Variants in TCERG1L observed in about 807,000 individuals in gnomAD.
TCERG1L encodes the protein transcription elongation regulator 1-like protein.
In TCERG1L, 37 loss-of-function variants were observed where a neutral mutation model predicts 56.3. The observed-to-expected ratio is 0.66, with a 90% confidence interval of 0.51 to 0.87. TCERG1L has a LOEUF of 0.87. Ranked by LOEUF, TCERG1L falls within the 40% of genes least tolerant of loss-of-function variation. TCERG1L has a pLI of 0.00. For synonymous variants in TCERG1L, 324 were observed against 326.3 expected (o/e 0.99, Z 0.08); for missense variants, 799 against 774.2 (o/e 1.03, Z -0.38).
chr10:131,299,870 TATA>T (rs1470162865), intron 3 of TCERG1L, among the ~76,000 whole-genome samples: 1 of 152,172 alleles, frequency 6.6e-6, no homozygotes, highest in East Asian at 1.9e-4. Flanking sequence ...TTATTTTGTG[TATA>T]ATTTTACACA....
At chr10:131,198,787 A>G (rs1564812745) in intron 4 of TCERG1L, among the ~76,000 whole-genome samples, 1 of 466 alleles carries the variant, frequency 2.1e-3, no homozygotes. Flanking sequence ...CCCCTGGCAG[A>G]TGGGGCCCCG....
chr10:131,194,147 C>T (rs993734908), intron 4 of TCERG1L, among the ~76,000 whole-genome samples: 7 of 152,236 alleles, frequency 4.6e-5, no homozygotes, highest in South Asian at 2.1e-4. Flanking sequence ...AGTGGGAATG[C>T]GTGTCTTCAT....
intron 9 of TCERG1L, among the ~76,000 whole-genome samples, chr10:131,106,276 G>T (rs760910215): frequency 7.9e-5 from 12 of 152,210 alleles, no homozygotes; most frequent in Admixed American, 3.3e-4. Flanking sequence ...AGGTAGTGCC[G>T]GTCTAGGAGC....
intron 8 of TCERG1L, 72 bp from the exon 9 acceptor site, chr10:131,117,006 A>C: frequency 6.6e-7 from 1 of 1,509,950 alleles, no homozygotes; most frequent in Non-Finnish European, 8.9e-7. Context: ...AACCTTTACA[A>C]ACCCTCCTCA....
chr10:131,148,827 C>T (rs1325165472), intron 6 of TCERG1L, among the ~76,000 whole-genome samples: 1 of 152,196 alleles, frequency 6.6e-6, no homozygotes, highest in African/African-American at 2.4e-5. Flanking sequence ...TCTGATCCTC[C>T]CAACTGTAAG....
chr10:131,256,824 C>T (rs1177325445), intron 4 of TCERG1L, among the ~76,000 whole-genome samples: 1 of 151,242 alleles, frequency 6.6e-6, no homozygotes, highest in Non-Finnish European at 1.5e-5. Context: ...GCAGAGGTTG[C>T]AATGAGCCGA....
Position 131,092,801 on chromosome 10 carries a change from G to A in TCERG1L, c.*361C>T, listed in dbSNP as rs139728033. On this transcript the variant is annotated 3_prime_UTR_variant, in exon 12 of 12. Coordinates refer to ENST00000368642, the MANE Select transcript of TCERG1L (RefSeq NM_174937.4). Reference sequence around the variant, plus strand: ...CACAAAGGTTTTCAGAAAAGTTTTCGCCAATCGTCTTAGGTGATGACACAA... The same window carrying A: ...CACAAAGGTTTTCAGAAAAGTTTTCACCAATCGTCTTAGGTGATGACACAA... The A allele has an allele frequency of 2.8e-3, 471 of 168,220 alleles. 2 individuals carry two copies. Among genetic ancestry groups the A allele is most frequent in the Admixed American group, 5.1e-3 (81 of 15,924 alleles). The allele number at this position is 168,220 out of a possible 1,614,324, so 10.4% of individuals were successfully genotyped here.
chr10:131,232,224 T>A (rs2133511267), intron 4 of TCERG1L, among the ~76,000 whole-genome samples: 1 of 152,196 alleles, frequency 6.6e-6, no homozygotes, highest in East Asian at 1.9e-4. Flanking sequence ...TGGGCCTGGG[T>A]GGGACGTGAG....
intron 3 of TCERG1L, among the ~76,000 whole-genome samples, chr10:131,284,927 A>G (rs921892650): frequency 2.0e-5 from 3 of 152,196 alleles, no homozygotes; most frequent in African/African-American, 7.2e-5. Flanking sequence ...TGAGGTTCTT[A>G]TATTTTAAGA....
At chr10:131,138,649 A>T (rs988520431) in intron 7 of TCERG1L, among the ~76,000 whole-genome samples, 1 of 152,260 alleles carries the variant, frequency 6.6e-6, no homozygotes, top group Non-Finnish European at 1.5e-5. Flanking sequence ...TGTACAAGTT[A>T]CAAGTATAAG....
intron 4 of TCERG1L, among the ~76,000 whole-genome samples, chr10:131,167,687 G>A (rs77410959): frequency 2.0e-4 from 30 of 152,194 alleles, no homozygotes; most frequent in Non-Finnish European, 3.7e-4. Context: ...AGGCCACACC[G>A]CCAGTGACCG....
chr10:131,226,471 T>C (rs1006250429), intron 4 of TCERG1L, among the ~76,000 whole-genome samples: 20 of 152,166 alleles, frequency 1.3e-4, no homozygotes, highest in African/African-American at 4.8e-4. Context: ...CTTTCCAGAA[T>C]AGCAGAGAAT....
At chr10:131,186,583 A>T (rs1320919294) in intron 4 of TCERG1L, among the ~76,000 whole-genome samples, 1 of 152,200 alleles carries the variant, frequency 6.6e-6, no homozygotes. Context: ...ATAAACACTG[A>T]TCTGGAAGGT....
intron 3 of TCERG1L, among the ~76,000 whole-genome samples, chr10:131,289,501 G>A (rs866557772): frequency 2.0e-5 from 3 of 151,092 alleles, no homozygotes; most frequent in African/African-American, 7.3e-5. Context: ...ACCGCTGTGT[G>A]TGAGCAGGTG....
rs147002291 is a variant in TCERG1L at position 131,231,782 on chromosome 10, A to C, written c.856+28477T>G. Among the ~76,000 whole-genome samples, 44 of 152,260 alleles carry C rather than the reference A, an allele frequency of 2.9e-4. 1 individual carries two copies. In the East Asian group the frequency reaches 7.0e-3, roughly 24 times the overall value. On this transcript the variant is annotated intron_variant, in intron 4 of 11. Transcript: ENST00000368642. ...ACGATTTTACTTCCACTTAGCAAAA[A>C]AAAGACCGGGACAGCTGAGTCTCAG...
At chr10:131,135,734 G>A (rs944601860) in intron 7 of TCERG1L, among the ~76,000 whole-genome samples, 3 of 152,186 alleles carry the variant, frequency 2.0e-5, no homozygotes, top group Non-Finnish European at 2.9e-5. Flanking sequence ...TAGCGGGACC[G>A]GGGTGCAATG....
intron 3 of TCERG1L, among the ~76,000 whole-genome samples, chr10:131,304,735 G>A (rs1329996517): frequency 6.6e-6 from 1 of 152,102 alleles, no homozygotes; most frequent in Non-Finnish European, 1.5e-5. Flanking sequence ...ATGCTTGGAT[G>A]TATTTGTCTG....
intron 4 of TCERG1L, among the ~76,000 whole-genome samples, chr10:131,206,180 A>G (rs762834222): frequency 6.6e-6 from 1 of 152,248 alleles, no homozygotes; most frequent in Non-Finnish European, 1.5e-5. Flanking sequence ...ATGAACTGCC[A>G]ATCGGGTGTA....
At chr10:131,273,096 C>T (rs999434420) in intron 3 of TCERG1L, among the ~76,000 whole-genome samples, 10 of 152,148 alleles carry the variant, frequency 6.6e-5, no homozygotes, top group Non-Finnish European at 1.3e-4. Flanking sequence ...AGGCCCGGGG[C>T]GCCTCACTCA....
Sources: gnomAD v4.1 joint callset for allele counts (sites outside exome capture counted in the v4.1 genomes callset) on GRCh38, gnomAD v4.1.1 for gene constraint, MANE v1.5 for transcripts, NCBI Gene and HGNC (gene_info 2026-07-23, HGNC 2026-07-21) for gene names.